The following NUMB variants were observed in gnomAD, a reference collection of about 807,000 sequenced individuals.
NUMB encodes protein numb homolog.
In NUMB, 29 loss-of-function variants were observed where a neutral mutation model predicts 59.7. That is an observed-to-expected ratio of 0.49 (90% CI 0.36 to 0.66). The LOEUF (loss-of-function observed/expected upper bound fraction) is 0.66, where lower values mean the gene tolerates loss of function less well. NUMB is among the 30% of genes least tolerant of loss of function. The pLI is 0.00. For synonymous variants in NUMB, 288 were observed against 288.2 expected, an observed-to-expected ratio of 1.00 and a Z score of 0.01; for missense variants, 723 against 822.0, an observed-to-expected ratio of 0.88 and a Z score of 1.47.
chr14:73,414,533 C>T (rs1897038133), intron 1 of NUMB, among the ~76,000 whole-genome samples: 1 of 152,050 alleles, frequency 6.6e-6, no homozygotes, highest in African/African-American at 2.4e-5. Flanking sequence ...GCTGGGACTA[C>T]AGGTGCAAGC....
intron 3 of NUMB, among the ~76,000 whole-genome samples, chr14:73,361,690 A>G (rs966068854): frequency 6.6e-6 from 1 of 152,058 alleles, no homozygotes; most frequent in Admixed American, 6.6e-5. Flanking sequence ...GCTCCCATCA[A>G]TTGTTAATTA....
intron 1 of NUMB, among the ~76,000 whole-genome samples, chr14:73,452,372 A>G (rs1481094751): frequency 2.0e-5 from 3 of 152,046 alleles, no homozygotes; most frequent in Non-Finnish European, 4.4e-5. Flanking sequence ...AAAACAAAAC[A>G]AAACAAAACA....
intron 4 of NUMB, among the ~76,000 whole-genome samples, chr14:73,325,951 C>T (rs1594907425): frequency 6.6e-6 from 1 of 152,188 alleles, no homozygotes; most frequent in East Asian, 1.9e-4. Flanking sequence ...CCCCCTTTTG[C>T]TTTTTTCCTT....
chr14:73,302,090 A>G (rs1359109931), intron 6 of NUMB, among the ~76,000 whole-genome samples: 2 of 151,856 alleles, frequency 1.3e-5, no homozygotes, highest in African/African-American at 2.4e-5. Flanking sequence ...CTCAAAAATA[A>G]AAAAAAATAA....
chr14:73,317,033 C>T (rs1891118371), intron 5 of NUMB, among the ~76,000 whole-genome samples: 1 of 152,160 alleles, frequency 6.6e-6, no homozygotes. Flanking sequence ...GGAGCTTGAC[C>T]ATTGGCTTTC....
At chr14:73,417,472 C>T (rs568027252) in intron 1 of NUMB, among the ~76,000 whole-genome samples, 5 of 151,204 alleles carry the variant, frequency 3.3e-5, no homozygotes, top group Non-Finnish European at 5.9e-5. Flanking sequence ...AGAAGGGGGT[C>T]AGGAAACTCT....
intron 4 of NUMB, among the ~76,000 whole-genome samples, chr14:73,354,447 G>GT (rs531553043): frequency 8.2e-4 from 122 of 149,384 alleles, no homozygotes; most frequent in African/African-American, 2.8e-3. Flanking sequence ...GGAGACGGAG[G>GT]TTGCAGTGAG....
intron 3 of NUMB, among the ~76,000 whole-genome samples, chr14:73,364,285 C>A (rs1216158576): frequency 6.6e-6 from 1 of 151,980 alleles, no homozygotes; most frequent in East Asian, 1.9e-4. Context: ...AGGCGGATAA[C>A]CTGAGGTCAG....
intron 8 of NUMB, among the ~76,000 whole-genome samples, chr14:73,292,109 C>T (rs1356585342): frequency 6.6e-6 from 1 of 152,116 alleles, no homozygotes; most frequent in Admixed American, 6.5e-5. Context: ...CACGATGACT[C>T]ACTGTAGCCT....
At chr14:73,449,640 T>C (rs1174290418) in intron 1 of NUMB, among the ~76,000 whole-genome samples, 1 of 152,166 alleles carries the variant, frequency 6.6e-6, no homozygotes, top group Admixed American at 6.6e-5. Flanking sequence ...TACACCAAAA[T>C]AAACCAACCA....
intron 4 of NUMB, among the ~76,000 whole-genome samples, chr14:73,325,084 C>G (rs1158367554): frequency 6.6e-6 from 1 of 152,218 alleles, no homozygotes; most frequent in Non-Finnish European, 1.5e-5. Flanking sequence ...TAGCCAATCA[C>G]TAGTCAATGT....
At chr14:73,430,234 A>G (rs1258390795) in intron 1 of NUMB, among the ~76,000 whole-genome samples, 1 of 152,088 alleles carries the variant, frequency 6.6e-6, no homozygotes. Context: ...TACTTGAATA[A>G]ATACCCGGGA....
At chr14:73,278,653 T>C (rs1888368391) in intron 12 of NUMB, among the ~76,000 whole-genome samples, 1 of 150,132 alleles carries the variant, frequency 6.7e-6, no homozygotes, top group Non-Finnish European at 1.5e-5. Flanking sequence ...CAGGGCCCCC[T>C]CTTTCTACAG....
intron 4 of NUMB, among the ~76,000 whole-genome samples, chr14:73,336,349 T>C (rs1008457144): frequency 6.6e-6 from 1 of 152,196 alleles, no homozygotes; most frequent in Non-Finnish European, 1.5e-5. Context: ...CCTTAATGAA[T>C]AAACCCAGGC....
At chr14:73,289,907 G>A (rs977986444) in intron 8 of NUMB, among the ~76,000 whole-genome samples, 20 of 152,214 alleles carry the variant, frequency 1.3e-4, no homozygotes, top group African/African-American at 4.6e-4. Flanking sequence ...TAGGGCAGAA[G>A]TTGTTGAAGA....
chr14:73,392,087 T>C (rs146826356), intron 2 of NUMB, among the ~76,000 whole-genome samples: 52 of 152,308 alleles, frequency 3.4e-4, no homozygotes, highest in African/African-American at 1.2e-3. Context: ...TCCTGTAGGA[T>C]TGCAACTATA....
At chr14:73,419,378 C>T (rs551405352) in intron 1 of NUMB, among the ~76,000 whole-genome samples, 69 of 152,156 alleles carry the variant, frequency 4.5e-4, no homozygotes, top group Admixed American at 3.3e-4. Context: ...GGTGTGGTGG[C>T]GGGCGCCTGT....
intron 6 of NUMB, among the ~76,000 whole-genome samples, chr14:73,308,612 G>A (rs1430294697): frequency 2.6e-5 from 4 of 152,170 alleles, no homozygotes; most frequent in Non-Finnish European, 4.4e-5. Context: ...TATATTGCTT[G>A]TAAGACGGAA....
chr14:73,365,578 C>T (rs1894309086), intron 3 of NUMB, among the ~76,000 whole-genome samples: 1 of 151,552 alleles, frequency 6.6e-6, no homozygotes, highest in Non-Finnish European at 1.5e-5. Flanking sequence ...TCAGACCAGC[C>T]TGGGCAACAT....
Sources: gnomAD v4.1 joint callset for allele counts (sites outside exome capture counted in the v4.1 genomes callset) on GRCh38, gnomAD v4.1.1 for gene constraint, MANE v1.5 for transcripts, NCBI Gene and HGNC (gene_info 2026-07-23, HGNC 2026-07-21) for gene names.